SIPA1L2: variants seen among roughly 807,000 people sequenced by gnomAD.
SIPA1L2 encodes the protein signal-induced proliferation-associated 1-like protein 2.
SIPA1L2 carries 56 observed loss-of-function variants against 163.9 expected under a neutral mutation model. That is an observed-to-expected ratio of 0.34 (90% CI 0.28 to 0.43). The LOEUF is 0.43. Ranked by LOEUF, SIPA1L2 falls within the 20% of genes least tolerant of loss-of-function variation. SIPA1L2 has a pLI of 1.00. For synonymous variants in SIPA1L2, 877 were observed against 865.7 expected, an observed-to-expected ratio of 1.01 and a Z score of -0.23; for missense variants, 1,974 against 2,193.5, an observed-to-expected ratio of 0.90 and a Z score of 2.00.
chr1:232,496,134 G>A (rs943077363), intron 3 of SIPA1L2, among the ~76,000 whole-genome samples: 10 of 152,184 alleles, frequency 6.6e-5, no homozygotes, highest in Middle Eastern at 3.2e-3. Context: ...ATTTTAGTCA[G>A]TCCTGCAAGC....
chr1:232,600,437 G>T (rs1366854386), intron 1 of SIPA1L2, among the ~76,000 whole-genome samples: 1 of 152,064 alleles, frequency 6.6e-6, no homozygotes, highest in Non-Finnish European at 1.5e-5. Flanking sequence ...AACAGCTAGA[G>T]TACCTCATGT....
chr1:232,507,012 T>C (rs1308807614), intron 3 of SIPA1L2, among the ~76,000 whole-genome samples: 1 of 152,212 alleles, frequency 6.6e-6, no homozygotes, highest in Non-Finnish European at 1.5e-5. Flanking sequence ...TTTGGTACAT[T>C]TGTTATGATG....
At chr1:232,529,062 T>C (rs951652389) in intron 2 of SIPA1L2, among the ~76,000 whole-genome samples, 4 of 152,236 alleles carry the variant, frequency 2.6e-5, no homozygotes, top group African/African-American at 7.2e-5. Context: ...AAAATGGATG[T>C]CCCACTGGGG....
chr1:232,555,531 C>T (rs1198982324), intron 2 of SIPA1L2, among the ~76,000 whole-genome samples: 1 of 152,180 alleles, frequency 6.6e-6, no homozygotes, highest in East Asian at 1.9e-4. Flanking sequence ...ACTGAAGTAT[C>T]ACCAAGTCTA....
At chr1:232,451,409 A>C (rs1189988286) in intron 10 of SIPA1L2, among the ~76,000 whole-genome samples, 2 of 152,154 alleles carry the variant, frequency 1.3e-5, no homozygotes, top group Admixed American at 1.3e-4. Flanking sequence ...GCTCATGTGG[A>C]GTGTCAAACT....
At chr1:232,468,794 G>C (rs997423850) in intron 8 of SIPA1L2, among the ~76,000 whole-genome samples, 4 of 152,168 alleles carry the variant, frequency 2.6e-5, no homozygotes, top group Non-Finnish European at 4.4e-5. Context: ...ATTTTGCAGA[G>C]AGTTTATCTT....
intron 3 of SIPA1L2, among the ~76,000 whole-genome samples, chr1:232,501,489 G>A (rs1186154430): frequency 6.6e-6 from 1 of 152,094 alleles, no homozygotes; most frequent in Non-Finnish European, 1.5e-5. Flanking sequence ...GTGTCCCAGG[G>A]AAGGCACCTC....
chr1:232,425,858 T>C, intron 17 of SIPA1L2, 50 bp from the exon 18 acceptor site: 1 of 1,506,984 alleles, frequency 6.6e-7, no homozygotes, highest in Non-Finnish European at 9.2e-7. Context: ...AAAAAACGAA[T>C]GCACGGGGCT....
At chr1:232,599,513 A>G (rs1228807583) in intron 1 of SIPA1L2, among the ~76,000 whole-genome samples, 1 of 151,624 alleles carries the variant, frequency 6.6e-6, no homozygotes, top group Admixed American at 6.6e-5. Flanking sequence ...TGTGTTTCCA[A>G]TTCCAGGAGA....
intron 2 of SIPA1L2, among the ~76,000 whole-genome samples, chr1:232,544,038 T>G (rs1657857534): frequency 6.6e-6 from 1 of 152,168 alleles, no homozygotes; most frequent in Admixed American, 6.5e-5. Flanking sequence ...AAATTACGGT[T>G]AATATTTTCA....
chr1:232,493,419 A>T, intron 4 of SIPA1L2, 108 bp downstream of exon 4: 1 of 1,345,106 alleles, frequency 7.4e-7, no homozygotes, highest in Non-Finnish European at 1.0e-6. Context: ...TGCAATCATT[A>T]ACATTAAAAA....
chr1:232,469,929 C>G (rs958377125), intron 8 of SIPA1L2, among the ~76,000 whole-genome samples: 5 of 151,326 alleles, frequency 3.3e-5, no homozygotes, highest in Admixed American at 2.0e-4. Context: ...ATTTTTTGTG[C>G]TAATGAATTA....
intron 2 of SIPA1L2, among the ~76,000 whole-genome samples, chr1:232,555,959 C>A (rs1041326021): frequency 1.3e-5 from 2 of 152,188 alleles, no homozygotes; most frequent in African/African-American, 4.8e-5. Flanking sequence ...TTTGCAGAGA[C>A]GGCAAGCCAT....
intron 1 of SIPA1L2, among the ~76,000 whole-genome samples, chr1:232,612,079 G>A (rs962387844): frequency 5.3e-5 from 8 of 152,324 alleles, no homozygotes; most frequent in Middle Eastern, 3.4e-3. Context: ...GAGGGGACAA[G>A]CCTCAAGCCT....
At chr1:232,405,766 T>G (rs1460752164) in intron 19 of SIPA1L2, among the ~76,000 whole-genome samples, 1 of 152,264 alleles carries the variant, frequency 6.6e-6, no homozygotes, top group Non-Finnish European at 1.5e-5. Context: ...CCTTGTTTTA[T>G]GCAAGCCAGT....
intron 1 of SIPA1L2, among the ~76,000 whole-genome samples, chr1:232,578,258 T>C (rs1326288577): frequency 6.7e-6 from 1 of 149,020 alleles, no homozygotes; most frequent in Non-Finnish European, 1.5e-5. Flanking sequence ...TTAAATGCAC[T>C]GGAAAAAAAA....
At position 232,505,959 on chromosome 1, in the gene SIPA1L2, C is replaced by T. The variant is rs183895643; in HGVS notation, c.1483+7898G>A. On this transcript the variant is annotated intron_variant, in intron 3 of 22. Transcript: ENST00000674635. ...AAAATCAGAAGGAAAAAACAGCTACCAGGCATGAAATTCAAAGCAAATGCA... is the reference window on the plus strand; with the variant it reads ...AAAATCAGAAGGAAAAAACAGCTACTAGGCATGAAATTCAAAGCAAATGCA... 3.6e-3 allele frequency among the ~76,000 whole-genome samples: 549 copies of T among 152,244 alleles called. 7 individuals carry two copies. The highest frequency in any genetic ancestry group is 0.013 in the African/African-American group (530 of 41,540).
At chr1:232,616,216 G>T (rs1243876293) in intron 1 of SIPA1L2, among the ~76,000 whole-genome samples, 1 of 152,130 alleles carries the variant, frequency 6.6e-6, no homozygotes, top group African/African-American at 2.4e-5. Flanking sequence ...CAGTAGAGAG[G>T]AATACTAACT....
chr1:232,478,668 A>G (rs1022457951), intron 7 of SIPA1L2, among the ~76,000 whole-genome samples: 42 of 152,236 alleles, frequency 2.8e-4, no homozygotes, highest in Non-Finnish European at 5.6e-4. Flanking sequence ...ACTGTCTCCT[A>G]AATGTGAAAA....
Sources: allele counts gnomAD v4.1 joint callset (sites outside exome capture counted in the v4.1 genomes callset), GRCh38; gene constraint gnomAD v4.1.1; transcripts MANE v1.5; gene names NCBI Gene and HGNC (gene_info 2026-07-23, HGNC 2026-07-21).